The following DSP variants were observed in gnomAD, a reference collection of about 807,000 sequenced individuals.
DSP encodes the protein 250/210 kDa paraneoplastic pemphigus antigen.
In DSP, 114 loss-of-function variants were observed where a neutral mutation model predicts 290.6. The ratio of observed to expected loss-of-function variants is 0.39; its 90% CI spans 0.34 to 0.46. The LOEUF (loss-of-function observed/expected upper bound fraction) is 0.46, where lower values mean the gene tolerates loss of function less well. Ranked by LOEUF, DSP falls within the 20% of genes least tolerant of loss-of-function variation. DSP has a pLI of 0.99. For synonymous variants in DSP, 1,311 were observed against 1,316.4 expected (o/e 1.00, Z 0.09); for missense variants, 3,230 against 3,495.8 (o/e 0.92, Z 1.92).
chr6:7,580,236 G>A lies in DSP; in HGVS notation c.4046G>A (p.Ser1349Asn), dbSNP rs144465638. Residue 1349 changes from serine (S) to asparagine (N), a missense_variant, in exon 23 of 24, where the codon AGT becomes AAT. By Grantham distance (46) the Ser-to-Asn change is conservative. This residue lies in a region of DSP where 1,714 missense variants were observed against 1,844.5 expected (regional missense o/e 0.93). Coordinates refer to ENST00000379802, the MANE Select transcript of DSP (RefSeq NM_004415.4). The surrounding 1 kb of genome is among the most constrained non-coding windows in gnomAD (Gnocchi z 4.2). ...CGCTGGGAATATGAAAATGAACTGAGTAAGGTAAGAAACAATTATGATGAG... is the reference window on the plus strand; with the variant it reads ...CGCTGGGAATATGAAAATGAACTGAATAAGGTAAGAAACAATTATGATGAG... ...KRRWEYENEL[S>N]KVRNNYDEEI... 28 of 1,613,972 alleles carry A rather than the reference G, an allele frequency of 1.7e-5. No individual in the cohort carries two copies. Among genetic ancestry groups the A allele is most frequent in the Non-Finnish European group, 2.3e-5 (27 of 1,180,010 alleles).
chr6:7,577,139 A>T, intron 20 of DSP, 97 bp downstream of exon 20: 1 of 922,480 alleles, frequency 1.1e-6, no homozygotes, highest in East Asian at 2.6e-5. Flanking sequence ...CTTCCTGAGG[A>T]TAGCAATTAC....
Position 7,582,068 on chromosome 6 carries a change from C to A in DSP, c.5379+499C>A, listed in dbSNP as rs1759455132. On this transcript the variant is annotated intron_variant, in intron 23 of 23. Transcript: ENST00000379802. This position sits in a 1 kb window ranked among gnomAD's most constrained non-coding sequence, Gnocchi z 4.2. Reference sequence around the variant, plus strand: ...AGTGTGTTTCCTTTTGTTTGACTTTCCTTCTCCTAACCCTTAATTTAAAAA... The same window carrying A: ...AGTGTGTTTCCTTTTGTTTGACTTTACTTCTCCTAACCCTTAATTTAAAAA... 6.6e-6 allele frequency among the ~76,000 whole-genome samples: 1 copy of A among 151,534 alleles called. No individual in the cohort carries two copies. The highest frequency in any genetic ancestry group is 2.4e-5 in the African/African-American group (1 of 41,236).
At chr6:7,543,588 C>T (rs974537911) in intron 1 of DSP, among the ~76,000 whole-genome samples, 1 of 152,028 alleles carries the variant, frequency 6.6e-6, no homozygotes. Context: ...AATTTTCTCC[C>T]GCAGTCCTCC....
intron 6 of DSP, 86 bp downstream of exon 6, chr6:7,563,872 G>A: frequency 1.7e-6 from 2 of 1,211,732 alleles, no homozygotes; most frequent in Non-Finnish European, 2.5e-6. Flanking sequence ...CATCCTGGCG[G>A]GGAGGCACCT....
intron 7 of DSP, 150 bp from the exon 8 acceptor site, chr6:7,566,227 T>A (rs901925943): frequency 9.9e-6 from 7 of 707,820 alleles, no homozygotes; most frequent in Non-Finnish European, 2.5e-6. Context: ...GCCTTAAAAA[T>A]GCTGTGATTC....
chr6:7,564,988 A>G (rs1758812036), intron 6 of DSP, among the ~76,000 whole-genome samples: 1 of 152,146 alleles, frequency 6.6e-6, no homozygotes, highest in Non-Finnish European at 1.5e-5. Flanking sequence ...TACTAAAAAT[A>G]CAAAAATTAG....
In DSP at chr6:7,570,509, C is replaced by T. The variant is rs773390118; in HGVS notation, c.1647C>T (p.Ser549=). 1 of 1,614,048 alleles carries T rather than the reference C, an allele frequency of 6.2e-7. No individual in the cohort carries two copies. Among genetic ancestry groups the T allele is most frequent in the South Asian group, 1.1e-5 (1 of 91,070 alleles). The part of the protein sequence containing the change: ...QLYINMKSLV[S]WHYCMIDIEK... Reference sequence around the variant, plus strand: ...ACATCAACATGAAGAGCCTGGTGTCCTGGCACTACTGCATGATTGACATAG... The same window carrying T: ...ACATCAACATGAAGAGCCTGGTGTCTTGGCACTACTGCATGATTGACATAG... Residue 549 remains serine (S), a synonymous_variant, in exon 13 of 24, where the codon TCC becomes TCT. Coordinates refer to ENST00000379802, the MANE Select transcript of DSP (RefSeq NM_004415.4).
At position 7,559,244 on chromosome 6, in the gene DSP, G is replaced by A. The variant is rs776076628; in HGVS notation, c.441G>A (p.Glu147=). 2.5e-6 allele frequency: 4 copies of A among 1,613,864 alleles called. No homozygotes were observed. Among genetic ancestry groups the A allele is most frequent in the South Asian group, 2.2e-5 (2 of 91,076 alleles). The change falls in exon 4 of 24, where the codon GAG becomes GAA. Residue 147 remains glutamate (E), a synonymous_variant. Transcript: ENST00000379802. ...TTTGCAGGCTTCTTCAGCTCCAAGA[G>A]CAAATGCGAGCCCTTTATAAAGCCA... ...AYQKRLLQLQ[E]QMRALYKAIS...
At chr6:7,576,122 C>A (rs539039313) in intron 18 of DSP, among the ~76,000 whole-genome samples, 172 bp from the exon 19 acceptor site, 5 of 152,146 alleles carry the variant, frequency 3.3e-5, no homozygotes, top group African/African-American at 1.2e-4. Context: ...TGAGTTGTTT[C>A]CAGTTTTTGG....
chr6:7,582,420 G>T lies in DSP; in HGVS notation c.5380-222G>T, dbSNP rs1003785086. Reference sequence around the variant, plus strand: ...ACAGTTCCTTCTATAGAAAAAAATAGTAAGTATGAAGCCATTTATTGAAGT... The same window carrying T: ...ACAGTTCCTTCTATAGAAAAAAATATTAAGTATGAAGCCATTTATTGAAGT... On this transcript the variant is annotated intron_variant, in intron 23 of 23. Coordinates refer to ENST00000379802, the MANE Select transcript of DSP (RefSeq NM_004415.4). The surrounding 1 kb of genome is among the most constrained non-coding windows in gnomAD (Gnocchi z 4.2). Among the ~76,000 whole-genome samples, 1 of 151,606 alleles carries T rather than the reference G, an allele frequency of 6.6e-6. No homozygotes were observed. The highest frequency in any genetic ancestry group is 1.5e-5 in the Non-Finnish European group (1 of 67,944).
chr6:7,543,502 CAAT>C (rs1182452426), intron 1 of DSP, among the ~76,000 whole-genome samples: 61 of 145,812 alleles, frequency 4.2e-4, no homozygotes, highest in African/African-American at 1.5e-3. Flanking sequence ...ATGTGCCAAG[CAAT>C]AGAAGGAATG....
In DSP at chr6:7,565,535, C is replaced by T. The variant is rs1047956686; in HGVS notation, c.939+15C>T. 4.3e-6 allele frequency: 7 copies of T among 1,613,618 alleles called. No homozygotes were observed. The highest frequency in any genetic ancestry group is 4.5e-5 in the East Asian group (2 of 44,880). ...AGGCCTTCTCCGTAAGTTCACCCCA[C>T]GCGGCTGTAGATGCTTGTCTTGAGC... On this transcript the variant is annotated intron_variant, in intron 7 of 23. Transcript: ENST00000379802. The surrounding 1 kb of genome is among the most constrained non-coding windows in gnomAD (Gnocchi z 4.2).
rs1219447017 is a variant in DSP at position 7,580,020 on chromosome 6, A to G, written c.3830A>G (p.Gln1277Arg). Residue 1277 changes from glutamine (Q) to arginine (R), a missense_variant, in exon 23 of 24, where the codon CAA (glutamine) becomes CGA (arginine). By Grantham distance (43) the Gln-to-Arg change is conservative. Around this residue, in one of 5 missense-constraint regions of DSP, gnomAD observed 1,714 missense variants for 1,844.5 expected, o/e 0.93. Transcript: ENST00000379802. This position sits in a 1 kb window ranked among gnomAD's most constrained non-coding sequence, Gnocchi z 4.2. ...RRRAEENALQ[Q>R]KACGSEIMQK... Reference sequence around the variant, plus strand: ...CGAGCTGAAGAAAACGCCCTTCAGCAAAAGGCCTGTGGCTCTGAGATAATG... The same window carrying G: ...CGAGCTGAAGAAAACGCCCTTCAGCGAAAGGCCTGTGGCTCTGAGATAATG... 1.2e-6 allele frequency: 2 copies of G among 1,614,192 alleles called. No individual in the cohort carries two copies. Among genetic ancestry groups the G allele is most frequent in the Non-Finnish European group, 1.7e-6 (2 of 1,180,036 alleles).
Position 7,585,904 on chromosome 6 carries a change from CCTTGA to C in DSP, c.*30_*34del. Reference sequence around the variant, plus strand: ...TAGTCAGTTGGGAGTGGTTGCTATACCTTGACTTCATTTATATGAATTTCCACTTT... The same window carrying C: ...TAGTCAGTTGGGAGTGGTTGCTATACCTTCATTTATATGAATTTCCACTTT... On this transcript the variant is annotated 3_prime_UTR_variant, in exon 24 of 24. Coordinates refer to ENST00000379802, the MANE Select transcript of DSP (RefSeq NM_004415.4). The C allele has an allele frequency of 6.2e-7, 1 of 1,601,350 alleles. No individual in the cohort carries two copies.
intron 2 of DSP, among the ~76,000 whole-genome samples, chr6:7,556,853 A>G (rs1450179729): frequency 1.3e-5 from 2 of 152,176 alleles, no homozygotes; most frequent in East Asian, 1.9e-4. Context: ...TGTTCCTCGC[A>G]GTGGCCCGAT....
At position 7,585,277 on chromosome 6, in the gene DSP, A is replaced by C. The variant is rs1060500612; in HGVS notation, c.8015A>C (p.Gln2672Pro). The change falls in exon 24 of 24, where the codon CAG becomes CCG. Residue 2672 changes from glutamine to proline, a missense_variant. Coordinates refer to ENST00000379802, the MANE Select transcript of DSP (RefSeq NM_004415.4). ...HPTTGQKLSL[Q>P]DAVSQGVIDQ... Reference sequence around the variant, plus strand: ...ACCACGGGCCAGAAGCTGTCACTTCAGGACGCAGTCTCCCAGGGTGTGATT... The same window carrying C: ...ACCACGGGCCAGAAGCTGTCACTTCCGGACGCAGTCTCCCAGGGTGTGATT... 5.6e-6 allele frequency: 9 copies of C among 1,614,070 alleles called. No individual in the cohort carries two copies. The highest frequency in any genetic ancestry group is 7.6e-6 in the Non-Finnish European group (9 of 1,180,048).
intron 8 of DSP, 26 bp downstream of exon 8, chr6:7,566,507 T>C (rs1163806464): frequency 1.3e-6 from 2 of 1,594,654 alleles, no homozygotes; most frequent in Admixed American, 3.4e-5. Context: ...TTTATATTTT[T>C]GTTAGAAAAA....
At chr6:7,577,676 A>G (rs1759282003) in intron 20 of DSP, 103 bp from the exon 21 acceptor site, 12 of 960,892 alleles carry the variant, frequency 1.2e-5, no homozygotes, top group Non-Finnish European at 2.0e-5. Context: ...GGAGTGGGCA[A>G]TTAGACGTGC....
intron 20 of DSP, 150 bp from the exon 21 acceptor site, chr6:7,577,629 G>GT: frequency 1.4e-6 from 1 of 737,588 alleles, no homozygotes; most frequent in South Asian, 1.4e-5. Flanking sequence ...CGCTAATGTA[G>GT]TATTAGTTGC....
Sources: allele counts gnomAD v4.1 joint callset (sites outside exome capture counted in the v4.1 genomes callset), GRCh38; gene constraint gnomAD v4.1.1; regional missense constraint gnomAD v4.1.1; non-coding constraint Gnocchi (gnomAD v3.1); transcripts MANE v1.5; gene names NCBI Gene and HGNC (gene_info 2026-07-23, HGNC 2026-07-21).